Variants in TPM4 observed in about 807,000 individuals in gnomAD.
TPM4 encodes the protein tropomyosin alpha-4 chain.
Under a neutral mutation model 35.8 loss-of-function variants are expected in TPM4, and 17 were observed. That is an observed-to-expected ratio of 0.47 (90% confidence interval 0.32 to 0.71). The LOEUF is 0.71. Ranked by LOEUF, TPM4 falls within the 30% of genes least tolerant of loss-of-function variation. The probability of loss-of-function intolerance (pLI) is 0.03; values close to 1 mark genes in which losing one functional copy is unlikely to be tolerated. For missense variants in TPM4, 240 were observed against 320.9 expected, an observed-to-expected ratio of 0.75 and a Z score of 1.93; for synonymous variants, 120 against 122.9, an observed-to-expected ratio of 0.98 and a Z score of 0.15.
intron 2 of TPM4, among the ~76,000 whole-genome samples, chr19:16,068,550 G>A (rs1305868527): frequency 6.6e-6 from 1 of 152,134 alleles, no homozygotes; most frequent in Non-Finnish European, 1.5e-5. Flanking sequence ...GTATCTGCAT[G>A]TTTGAGCATT....
chr19:16,076,730 A>G, intron 1 of TPM4, 33 bp downstream of exon 1: 13 of 1,298,890 alleles, frequency 1.0e-5, no homozygotes, highest in Non-Finnish European at 1.3e-5. Context: ...CCGCACCCGC[A>G]GCCTCCTCCC....
In TPM4 at chr19:16,093,685, C is replaced by T. The variant is rs769293419; in HGVS notation, c.596C>T (p.Ala199Val). 4.3e-6 allele frequency: 7 copies of T among 1,614,082 alleles called. No individual in the cohort carries two copies. Among genetic ancestry groups the T allele is most frequent in the Non-Finnish European group, 5.1e-6 (6 of 1,180,046 alleles). The part of the protein sequence containing the change: ...IKLLSDKLKE[A>V]ETRAEFAERT... Reference sequence around the variant, plus strand: ...AGTAACTCCTTTCTTCTTATCTAGGCTGAGACCCGTGCTGAATTTGCAGAG... The same window carrying T: ...AGTAACTCCTTTCTTCTTATCTAGGTTGAGACCCGTGCTGAATTTGCAGAG... Residue 199 changes from alanine (A) to valine (V), a missense_variant and splice_region_variant, in exon 7 of 8, where the codon GCT becomes GTT. Physicochemically the swap from Ala to Val is moderately conservative, Grantham distance 64 (BLOSUM62 0). Transcript: ENST00000643579.
chr19:16,070,708 G>C lies in TPM4; in HGVS notation c.114+2970G>C, dbSNP rs548114257. On this transcript the variant is annotated intron_variant, in intron 2 of 2. Transcript: ENST00000589897. This position sits in a 1 kb window ranked among gnomAD's most constrained non-coding sequence, Gnocchi z 7.4. ...TCAGAGTAAGCACTCAATAAATGTA[G>C]GTTGATTTCCTGCCCCGCCCTACTT... Among the ~76,000 whole-genome samples, 1 of 152,300 alleles carries C rather than the reference G, an allele frequency of 6.6e-6. No individual in the cohort carries two copies. The highest frequency in any genetic ancestry group is 1.5e-5 in the Non-Finnish European group (1 of 68,006).
At chr19:16,076,340 G>A (rs1445347036), upstream of TPM4, 2 of 1,478,056 alleles carry the variant, frequency 1.4e-6, no homozygotes, top group Non-Finnish European at 1.8e-6. Context: ...AGCAGCTGTG[G>A]CCAGCGGTGC....
chr19:16,072,178 T>C (rs2090362375), upstream of TPM4, among the ~76,000 whole-genome samples: 1 of 152,208 alleles, frequency 6.6e-6, no homozygotes, highest in Non-Finnish European at 1.5e-5. Context: ...GTGTCTTCGA[T>C]TCATCCCAAA....
intron 7 of TPM4, among the ~76,000 whole-genome samples, chr19:16,097,466 G>T (rs866751192): frequency 6.6e-6 from 1 of 151,876 alleles, no homozygotes; most frequent in Non-Finnish European, 1.5e-5. Context: ...TAGAGACAGG[G>T]TTTCACCATG....
chr19:16,099,070 C>G (rs1215393222), intron 7 of TPM4, among the ~76,000 whole-genome samples: 2 of 109,802 alleles, frequency 1.8e-5, no homozygotes, highest in Admixed American at 9.5e-5. Flanking sequence ...TCACTTGACT[C>G]TGTGTGTGTG....
At chr19:16,090,224 C>T (rs1384604606) in intron 5 of TPM4, among the ~76,000 whole-genome samples, 1 of 152,072 alleles carries the variant, frequency 6.6e-6, no homozygotes, top group African/African-American at 2.4e-5. Flanking sequence ...TTAAATAATC[C>T]TATCACCTCA....
At chr19:16,099,229 G>A (rs968577258) in intron 7 of TPM4, among the ~76,000 whole-genome samples, 15 of 152,002 alleles carry the variant, frequency 9.9e-5, no homozygotes, top group Non-Finnish European at 1.5e-4. Context: ...ACAGGTGTGC[G>A]CCACCACACC....
intron 2 of TPM4, among the ~76,000 whole-genome samples, chr19:16,085,204 G>C (rs2090534399): frequency 1.3e-5 from 2 of 152,088 alleles, no homozygotes; most frequent in South Asian, 4.1e-4. Flanking sequence ...AGTGAGCTAT[G>C]ATTACACCAC....
intron 6 of TPM4, 39 bp from the exon 7 acceptor site, chr19:16,093,645 T>C (rs1207966101): frequency 1.2e-6 from 2 of 1,614,088 alleles, no homozygotes; most frequent in South Asian, 2.2e-5. Context: ...CTGGGGCTGG[T>C]CTTGAAGCCA....
intron 7 of TPM4, chr19:16,099,686 C>T (rs1394112655): frequency 6.6e-6 from 1 of 152,032 alleles, no homozygotes; most frequent in Non-Finnish European, 1.5e-5. Flanking sequence ...TTTTGCTTTC[C>T]CCCAGCATTT....
chr19:16,087,752 G>A (rs573797678), intron 3 of TPM4, among the ~76,000 whole-genome samples: 9 of 151,104 alleles, frequency 6.0e-5, no homozygotes, highest in Non-Finnish European at 1.0e-4. Flanking sequence ...GTGGTGGCAC[G>A]CGCCTGTAGT....
chr19:16,102,292 T>A lies in TPM4; in HGVS notation c.*946T>A, dbSNP rs755461864. ...AAGTGGAGACTGCAGTGAGCCGATA[T>A]CGCACCACAGCGCTCCAGCCTGGTC... On this transcript the variant is annotated 3_prime_UTR_variant, in exon 8 of 8. Coordinates refer to ENST00000643579, the MANE Select transcript of TPM4 (RefSeq NM_003290.3). The A allele has an allele frequency of 3.6e-5, 7 of 194,066 alleles. No homozygotes were observed. Among genetic ancestry groups the A allele is most frequent in the African/African-American group, 1.2e-4 (5 of 43,060 alleles). The allele number at this position is 194,066 out of a possible 1,614,324, so 12.0% of individuals were successfully genotyped here.
upstream of TPM4, chr19:16,076,003 A>ACCC (rs139298941): frequency 9.5e-5 from 133 of 1,407,370 alleles, no homozygotes; most frequent in East Asian, 4.1e-4. Flanking sequence ...CGGGGACGTG[A>ACCC]CCCCCCCCCC....
chr19:16,071,923 T>C (rs2090359950), upstream of TPM4, among the ~76,000 whole-genome samples: 1 of 152,164 alleles, frequency 6.6e-6, no homozygotes, highest in Admixed American at 6.5e-5. Context: ...GGTAATCCTA[T>C]GACAGATAGG....
In TPM4 at chr19:16,088,007, G is replaced by T. The variant is rs1599376364; in HGVS notation, c.385-20G>T. 1 of 1,603,960 alleles carries T rather than the reference G, an allele frequency of 6.2e-7. No individual in the cohort carries two copies. Among genetic ancestry groups the T allele is most frequent in the Non-Finnish European group, 8.5e-7 (1 of 1,176,422 alleles). On this transcript the variant is annotated intron_variant, in intron 3 of 7. Transcript: ENST00000643579. ...CGGCTGGTGGGGATCGGGCTCAGCT[G>T]GGCCTTTCTGTCTCTGCAGGTAGCT...
chr19:16,088,183 G>T, intron 4 of TPM4, 86 bp downstream of exon 4: 1 of 1,532,240 alleles, frequency 6.5e-7, no homozygotes, highest in South Asian at 1.2e-5. Context: ...AATTGGCTCT[G>T]ACCGGGGTCT....
intron 7 of TPM4, chr19:16,100,953 T>C: frequency 4.8e-6 from 1 of 209,032 alleles, no homozygotes; most frequent in Non-Finnish European, 9.8e-6. Flanking sequence ...GTGGATCACT[T>C]GAGGTCAAGA....
Sources: gnomAD v4.1 joint callset for allele counts (sites outside exome capture counted in the v4.1 genomes callset) on GRCh38, gnomAD v4.1.1 for gene constraint, Gnocchi (gnomAD v3.1) non-coding constraint, MANE v1.5 for transcripts, NCBI Gene and HGNC (gene_info 2026-07-23, HGNC 2026-07-21) for gene names.